Variants in NELL1 observed in about 807,000 individuals in gnomAD.
The protein encoded by NELL1 is neural EGFL like 1.
In NELL1, 76 loss-of-function variants were observed where a neutral mutation model predicts 107.4. The ratio of observed to expected loss-of-function variants is 0.71; its 90% CI spans 0.59 to 0.86. NELL1 has a LOEUF of 0.86. NELL1 is among the 40% of genes least tolerant of loss of function. NELL1 has a pLI of 0.00. For missense variants in NELL1, 1,024 were observed against 1,005.5 expected, an observed-to-expected ratio of 1.02 and a Z score of -0.25; for synonymous variants, 353 against 341.2, an observed-to-expected ratio of 1.03 and a Z score of -0.38.
chr11:21,021,094 C>T (rs994740746), intron 12 of NELL1, among the ~76,000 whole-genome samples: 1 of 150,670 alleles, frequency 6.6e-6, no homozygotes, highest in Non-Finnish European at 1.5e-5. Flanking sequence ...TCACAACTAC[C>T]AAATGTTCTT....
intron 14 of NELL1, among the ~76,000 whole-genome samples, chr11:21,270,594 A>G (rs1490860312): frequency 1.3e-5 from 2 of 152,100 alleles, no homozygotes; most frequent in African/African-American, 4.8e-5. Context: ...TGACAATTAG[A>G]CACTCCTCTT....
At chr11:21,193,737 C>G (rs993198045) in intron 13 of NELL1, among the ~76,000 whole-genome samples, 10 of 151,778 alleles carry the variant, frequency 6.6e-5, no homozygotes, top group African/African-American at 2.2e-4. Flanking sequence ...CTTGATTTTT[C>G]CTTTTGAGTG....
intron 15 of NELL1, among the ~76,000 whole-genome samples, chr11:21,461,494 A>G (rs1590950516): frequency 6.6e-6 from 1 of 152,114 alleles, no homozygotes; most frequent in South Asian, 2.1e-4. Flanking sequence ...AAACTTTAGG[A>G]AACATTAACA....
At chr11:21,384,494 G>A (rs1258382031) in intron 15 of NELL1, among the ~76,000 whole-genome samples, 4 of 151,600 alleles carry the variant, frequency 2.6e-5, no homozygotes, top group East Asian at 3.9e-4. Context: ...TGTGCAAAAT[G>A]TGCAGGTTAG....
chr11:21,439,515 G>A (rs1481814163), intron 15 of NELL1, among the ~76,000 whole-genome samples: 1 of 152,136 alleles, frequency 6.6e-6, no homozygotes, highest in Non-Finnish European at 1.5e-5. Context: ...TGGCTTAGAG[G>A]GTCAAGGATA....
chr11:21,447,458 A>T (rs1419597746), intron 15 of NELL1, among the ~76,000 whole-genome samples: 1 of 152,190 alleles, frequency 6.6e-6, no homozygotes. Context: ...TCTGCTGATT[A>T]TTCAGGGCCA....
chr11:21,147,836 CAAAAAAAAAAAAAAAAAA>C (rs35688285), intron 13 of NELL1, among the ~76,000 whole-genome samples: 4 of 28,818 alleles, frequency 1.4e-4, no homozygotes, highest in African/African-American at 4.9e-4. Flanking sequence ...AACTCCGTCT[CAAAAAAAAAAAAAAAAAA>C]AAAAAAAAAA....
At chr11:20,789,898 G>T (rs1014131758) in intron 3 of NELL1, among the ~76,000 whole-genome samples, 1 of 152,014 alleles carries the variant, frequency 6.6e-6, no homozygotes, top group East Asian at 1.9e-4. Flanking sequence ...TCTCTGCAGC[G>T]GGTTATCCTG....
At chr11:20,883,473 G>A (rs1169117520) in intron 4 of NELL1, among the ~76,000 whole-genome samples, 14 of 152,078 alleles carry the variant, frequency 9.2e-5, no homozygotes, top group Admixed American at 6.5e-4. Context: ...CTTTTGAATC[G>A]AAAGCTCGTC....
chr11:21,168,748 C>T (rs920760615), intron 13 of NELL1, among the ~76,000 whole-genome samples: 2 of 151,732 alleles, frequency 1.3e-5, no homozygotes, highest in African/African-American at 4.9e-5. Flanking sequence ...TTTTTTCCCC[C>T]AGGTGCTGTT....
At chr11:20,776,386 C>A (rs911114826) in intron 2 of NELL1, among the ~76,000 whole-genome samples, 1 of 151,908 alleles carries the variant, frequency 6.6e-6, no homozygotes, top group African/African-American at 2.4e-5. Context: ...TTGCAGTGAG[C>A]CAAGATCACA....
At chr11:20,949,449 T>C (rs1564981661) in intron 11 of NELL1, among the ~76,000 whole-genome samples, 2 of 152,236 alleles carry the variant, frequency 1.3e-5, no homozygotes, top group Admixed American at 6.5e-5. Flanking sequence ...TTCAGAGTGA[T>C]GCATTTATTG....
chr11:21,570,826 C>G lies in NELL1; in HGVS notation c.2043C>G (p.Phe681Leu), dbSNP rs1857083676. The change falls in exon 18 of 20, where the codon TTC becomes TTG. Residue 681 changes from phenylalanine (F) to leucine (L), a missense_variant. Coordinates refer to ENST00000357134, the MANE Select transcript of NELL1 (RefSeq NM_006157.5). ...GCCAGAATCCAAGTGCTGACCTATT[C>G]TGTTGCCCAGAATGTGACACCAGAG... is the stretch of plus-strand genomic sequence containing the variant. Reference protein sequence around the residue: ...CDCQNPSADLFCCPECDTRVT... With the variant: ...CDCQNPSADLLCCPECDTRVT... The G allele has an allele frequency of 6.2e-7, 1 of 1,611,816 alleles. No individual in the cohort carries two copies. The highest frequency in any genetic ancestry group is 1.7e-5 in the Admixed American group (1 of 59,820).
At chr11:20,988,060 C>T (rs1183173082) in intron 12 of NELL1, among the ~76,000 whole-genome samples, 1 of 152,188 alleles carries the variant, frequency 6.6e-6, no homozygotes, top group Non-Finnish European at 1.5e-5. Context: ...ACACTTACAA[C>T]TTCTACTTCA....
chr11:21,508,408 G>T (rs759504318), intron 15 of NELL1, among the ~76,000 whole-genome samples: 1 of 152,060 alleles, frequency 6.6e-6, no homozygotes, highest in Non-Finnish European at 1.5e-5. Flanking sequence ...AAACTGATGC[G>T]CAGATAAGTA....
At chr11:20,713,316 T>A (rs1237461207) in intron 2 of NELL1, among the ~76,000 whole-genome samples, 3 of 152,080 alleles carry the variant, frequency 2.0e-5, no homozygotes, top group African/African-American at 7.2e-5. Context: ...GGGCTCAGAC[T>A]CTTCTTGGGT....
intron 13 of NELL1, among the ~76,000 whole-genome samples, chr11:21,136,711 C>T (rs533806247): frequency 6.6e-6 from 1 of 152,258 alleles, no homozygotes; most frequent in East Asian, 1.9e-4. Context: ...TGGTTTGGAG[C>T]AATTTAAAAA....
At chr11:21,126,039 A>G (rs914600182) in intron 13 of NELL1, among the ~76,000 whole-genome samples, 2 of 152,188 alleles carry the variant, frequency 1.3e-5, no homozygotes, top group African/African-American at 2.4e-5. Context: ...ACTGTTAGCA[A>G]TTACTACCTC....
At chr11:20,865,365 G>C (rs7123716) in intron 4 of NELL1, among the ~76,000 whole-genome samples, 98,363 of 152,020 alleles carry the variant, frequency 0.65, 33,350 homozygotes, top group Non-Finnish European at 0.76. Flanking sequence ...CTTCAAAAGA[G>C]GGTGTGCTCA....
Sources: gnomAD v4.1 joint callset for allele counts (sites outside exome capture counted in the v4.1 genomes callset) on GRCh38, gnomAD v4.1.1 for gene constraint, MANE v1.5 for transcripts, NCBI Gene and HGNC (gene_info 2026-07-23, HGNC 2026-07-21) for gene names.